Variants in CYB5R4 observed in about 807,000 individuals in gnomAD.
CYB5R4 encodes N-terminal cytochrome b5 and cytochrome b5 oxidoreductase domain-containing protein.
In CYB5R4, 55 loss-of-function variants were observed where a neutral mutation model predicts 70.2. The observed-to-expected ratio is 0.78, with a 90% CI of 0.63 to 0.98. The LOEUF (loss-of-function observed/expected upper bound fraction) is 0.98, where lower values mean the gene tolerates loss of function less well. Ranked by LOEUF, CYB5R4 falls within the 50% of genes least tolerant of loss-of-function variation. The pLI, the probability that CYB5R4 is intolerant of heterozygous loss-of-function variation, is 0.00. For synonymous variants in CYB5R4, 197 were observed against 199.5 expected (o/e 0.99, Z 0.11); for missense variants, 562 against 612.6 (o/e 0.92, Z 0.87).
At chr6:83,934,558 T>A in intron 10 of CYB5R4, 37 bp from the exon 11 acceptor site, 1 of 1,501,548 alleles carries the variant, frequency 6.7e-7, no homozygotes. Flanking sequence ...TTCTTATTAC[T>A]TTATGTATCA....
chr6:83,948,920 T>A (rs535501523), intron 14 of CYB5R4, among the ~76,000 whole-genome samples: 1 of 152,098 alleles, frequency 6.6e-6, no homozygotes, highest in East Asian at 1.9e-4. Flanking sequence ...AGTGATAGTG[T>A]TCCAACCTCT....
intron 7 of CYB5R4, 81 bp from the exon 8 acceptor site, chr6:83,921,001 A>C (rs1278853329): frequency 9.5e-7 from 1 of 1,051,956 alleles, no homozygotes; most frequent in Non-Finnish European, 1.3e-6. Context: ...GAAGTACCGC[A>C]GATCACCTTA....
At chr6:83,871,018 C>T in intron 2 of CYB5R4, among the ~76,000 whole-genome samples, 1 of 145,656 alleles carries the variant, frequency 6.9e-6, no homozygotes, top group Non-Finnish European at 1.5e-5. Flanking sequence ...CTCTTGTCAC[C>T]CAGGCTGGAG....
intron 3 of CYB5R4, among the ~76,000 whole-genome samples, chr6:83,900,855 G>A (rs538813763): frequency 9.9e-5 from 15 of 152,064 alleles, no homozygotes; most frequent in African/African-American, 2.4e-4. Context: ...TTGAGTCTAT[G>A]TGTGTCTCTG....
At chr6:83,869,945 G>T (rs1562826200) in intron 2 of CYB5R4, among the ~76,000 whole-genome samples, 2 of 152,096 alleles carry the variant, frequency 1.3e-5, no homozygotes, top group Admixed American at 1.3e-4. Context: ...GAAGTGCTGT[G>T]GCAAGAAAGC....
chr6:83,887,116 C>A (rs2099460367), intron 2 of CYB5R4, among the ~76,000 whole-genome samples: 1 of 152,044 alleles, frequency 6.6e-6, no homozygotes. Context: ...AGAAAGAATT[C>A]TTTCTGTATA....
At chr6:83,874,365 A>T (rs927193493) in intron 2 of CYB5R4, among the ~76,000 whole-genome samples, 14 of 150,434 alleles carry the variant, frequency 9.3e-5, no homozygotes, top group African/African-American at 2.9e-4. Context: ...TACTTTTTTA[A>T]AAAAAAAATT....
intron 2 of CYB5R4, among the ~76,000 whole-genome samples, chr6:83,891,692 A>G (rs1021049344): frequency 6.6e-6 from 1 of 152,218 alleles, no homozygotes; most frequent in African/African-American, 2.4e-5. Flanking sequence ...TCTGGAAAGC[A>G]TGGGATACTA....
chr6:83,885,520 G>A lies in CYB5R4; in HGVS notation c.230-8002G>A, dbSNP rs977399927. Among the ~76,000 whole-genome samples, 10 of 152,200 alleles carry A rather than the reference G, an allele frequency of 6.6e-5. 1 individual carries two copies. The highest frequency in any genetic ancestry group is 5.9e-4 in the Admixed American group (9 of 15,274). ...ATTGGTGAGCCGTTATGGTTCACAT[G>A]TATGGTTACCTAACCTGAAAATTTG... On this transcript the variant is annotated intron_variant, in intron 2 of 15. Coordinates refer to ENST00000369681, the MANE Select transcript of CYB5R4 (RefSeq NM_016230.4).
intron 14 of CYB5R4, among the ~76,000 whole-genome samples, chr6:83,940,924 TATACTG>T (rs1331410577): frequency 3.3e-5 from 5 of 152,148 alleles, no homozygotes; most frequent in Non-Finnish European, 7.4e-5. Context: ...TTTTTCCTGT[TATACTG>T]GGGCTGATAA....
chr6:83,890,096 C>G (rs1357896303), intron 2 of CYB5R4, among the ~76,000 whole-genome samples: 1 of 152,168 alleles, frequency 6.6e-6, no homozygotes, highest in Non-Finnish European at 1.5e-5. Flanking sequence ...CAGGAGCCAT[C>G]TTGATTTTCA....
intron 3 of CYB5R4, among the ~76,000 whole-genome samples, chr6:83,898,586 C>T (rs1052166251): frequency 5.3e-5 from 8 of 152,172 alleles, no homozygotes; most frequent in African/African-American, 1.7e-4. Flanking sequence ...TTGATTCTTC[C>T]TACCCACGAG....
chr6:83,942,714 C>A (rs748739721), intron 14 of CYB5R4, among the ~76,000 whole-genome samples: 9 of 152,148 alleles, frequency 5.9e-5, no homozygotes, highest in Non-Finnish European at 1.0e-4. Flanking sequence ...AATCCACTGG[C>A]TTGAAATTCT....
chr6:83,878,379 GCT>G (rs1226570275), intron 2 of CYB5R4, among the ~76,000 whole-genome samples: 3 of 150,686 alleles, frequency 2.0e-5, no homozygotes, highest in African/African-American at 7.4e-5. Flanking sequence ...ACAGAGTCCT[GCT>G]CTGTCACCCA....
At chr6:83,867,705 TTAGTCAGGAG>T (rs1173825884) in intron 2 of CYB5R4, among the ~76,000 whole-genome samples, 1 of 152,172 alleles carries the variant, frequency 6.6e-6, no homozygotes, top group East Asian at 1.9e-4. Flanking sequence ...TGGCTGTGCT[TTAGTCAGGAG>T]TAGGCCGAGG....
At chr6:83,925,804 C>G (rs1308553909) in intron 10 of CYB5R4, among the ~76,000 whole-genome samples, 1 of 152,142 alleles carries the variant, frequency 6.6e-6, no homozygotes, top group East Asian at 1.9e-4. Flanking sequence ...AACTGTTCTT[C>G]TAATTATCTT....
intron 7 of CYB5R4, among the ~76,000 whole-genome samples, chr6:83,920,814 A>G (rs1015957596): frequency 4.6e-5 from 7 of 152,248 alleles, no homozygotes; most frequent in Admixed American, 4.6e-4. Context: ...ACAGTGTTCT[A>G]AAGATAGTCC....
At chr6:83,868,599 G>A (rs1469979051) in intron 2 of CYB5R4, among the ~76,000 whole-genome samples, 1 of 152,164 alleles carries the variant, frequency 6.6e-6, no homozygotes, top group African/African-American at 2.4e-5. Flanking sequence ...GAAGAAATCG[G>A]TTTGTAGGGG....
At chr6:83,940,453 C>T in intron 13 of CYB5R4, 62 bp from the exon 14 acceptor site, 1 of 1,432,352 alleles carries the variant, frequency 7.0e-7, no homozygotes, top group African/African-American at 1.5e-5. Context: ...TTAGACTTTC[C>T]ATTTGTGCAT....
Sources: gnomAD v4.1 joint callset for allele counts (sites outside exome capture counted in the v4.1 genomes callset) on GRCh38, gnomAD v4.1.1 for gene constraint, MANE v1.5 for transcripts, NCBI Gene and HGNC (gene_info 2026-07-23, HGNC 2026-07-21) for gene names.